The following INPP5D variants were observed in gnomAD, a reference collection of about 807,000 sequenced individuals.
The protein encoded by INPP5D is phosphatidylinositol 3,4,5-trisphosphate 5-phosphatase 1.
INPP5D carries 33 observed loss-of-function variants against 122.9 expected under a neutral mutation model. That is an observed-to-expected ratio of 0.27 (90% CI 0.20 to 0.36). INPP5D has a LOEUF of 0.36. INPP5D is among the 10% of genes least tolerant of loss of function. The probability of loss-of-function intolerance (pLI) is 1.00; values close to 1 mark genes in which losing one functional copy is unlikely to be tolerated. For synonymous variants in INPP5D, 584 were observed against 576.2 expected (o/e 1.01, Z -0.19); for missense variants, 1,053 against 1,412.7 (o/e 0.75, Z 4.08).
intron 9 of INPP5D, among the ~76,000 whole-genome samples, chr2:233,148,299 T>TGATCTGTCAATACAGTGGAA (rs1280373421): frequency 1.3e-5 from 2 of 152,122 alleles, no homozygotes; most frequent in Non-Finnish European, 2.9e-5. Context: ...ATCAGATGGA[T>TGATCTGTCAATACAGTGGAA]GATCCAGCTA....
In INPP5D at chr2:233,061,329, C is replaced by G. The variant is rs1408532243; in HGVS notation, c.134+717C>G. Among the ~76,000 whole-genome samples the G allele has an allele frequency of 2.0e-5, 3 of 151,622 alleles. No individual in the cohort carries two copies. In the East Asian group the frequency reaches 5.9e-4, roughly 30 times the overall value. ...GTGCTAACAATGGAGGAACCAGCCACTTGCTGAAGGTTCCTTTCTAAAACC... is the reference window on the plus strand; with the variant it reads ...GTGCTAACAATGGAGGAACCAGCCAGTTGCTGAAGGTTCCTTTCTAAAACC... On this transcript the variant is annotated intron_variant, in intron 1 of 26. Coordinates refer to ENST00000445964, the MANE Select transcript of INPP5D (RefSeq NM_001017915.3).
In INPP5D at chr2:233,160,913, G is replaced by T. The variant is rs1185970188; in HGVS notation, c.1138-811G>T. Among the ~76,000 whole-genome samples, 1 of 152,142 alleles carries T rather than the reference G, an allele frequency of 6.6e-6. No homozygotes were observed. The highest frequency in any genetic ancestry group is 2.4e-5 in the African/African-American group (1 of 41,418). ...GCCTCCCAAAGTCCTGGGATTACAG[G>T]CATGAGCCACTGTGCCAGGCCCAAA... On this transcript the variant is annotated intron_variant, in intron 10 of 26. Transcript: ENST00000445964. This position sits in a 1 kb window ranked among gnomAD's most constrained non-coding sequence, Gnocchi z 4.2.
At chr2:233,085,696 G>A (rs928028747) in intron 2 of INPP5D, among the ~76,000 whole-genome samples, 7 of 151,958 alleles carry the variant, frequency 4.6e-5, no homozygotes, top group East Asian at 1.9e-4. Flanking sequence ...GCCTCCCCCC[G>A]TTTTCTAGCC....
At chr2:233,130,395 T>TC in intron 4 of INPP5D, 113 bp from the exon 5 acceptor site, 1 of 1,144,922 alleles carries the variant, frequency 8.7e-7, no homozygotes, top group Non-Finnish European at 1.2e-6. Context: ...AAGGACGGTG[T>TC]CCCCTTGGAG....
Position 233,079,410 on chromosome 2 carries a change from A to G in INPP5D, c.198+12A>G, listed in dbSNP as rs1691611673. 1.9e-6 allele frequency: 3 copies of G among 1,542,900 alleles called. No homozygotes were observed. In the East Asian group the frequency reaches 6.7e-5, roughly 35 times the overall value. On this transcript the variant is annotated intron_variant, in intron 2 of 26. Coordinates refer to ENST00000445964, the MANE Select transcript of INPP5D (RefSeq NM_001017915.3). The stretch of plus-strand genomic sequence containing the variant: ...AATTCACTGTTCAGGTGAGTCCTTT[A>G]TAAACCTAGAAATCTGAACCTGACT...
chr2:233,121,493 T>C (rs57852168), intron 2 of INPP5D, among the ~76,000 whole-genome samples: 2 of 145,742 alleles, frequency 1.4e-5, no homozygotes, highest in East Asian at 1.9e-4. Context: ...ATAAATGTAC[T>C]ATTTGTATAA....
chr2:233,094,869 T>A (rs1469353840), intron 2 of INPP5D, among the ~76,000 whole-genome samples: 1 of 152,202 alleles, frequency 6.6e-6, no homozygotes, highest in South Asian at 2.1e-4. Flanking sequence ...AAATTGCCAA[T>A]GTCTATCAAC....
chr2:233,136,389 G>T (rs766930669), intron 5 of INPP5D, among the ~76,000 whole-genome samples: 1 of 151,772 alleles, frequency 6.6e-6, no homozygotes, highest in Non-Finnish European at 1.5e-5. Context: ...TGAGGTAGGA[G>T]AATCGCTTGA....
intron 9 of INPP5D, among the ~76,000 whole-genome samples, chr2:233,153,545 A>T (rs1314796437): frequency 1.3e-5 from 2 of 152,244 alleles, no homozygotes; most frequent in Non-Finnish European, 2.9e-5. Context: ...AGGTGGAAGA[A>T]AAAACAGAGA....
At chr2:233,205,923 A>G (rs1695486858) in intron 26 of INPP5D, among the ~76,000 whole-genome samples, 1 of 152,140 alleles carries the variant, frequency 6.6e-6, no homozygotes, top group African/African-American at 2.4e-5. Context: ...TATTAAAAAT[A>G]CAAAAATTAG....
At chr2:233,117,998 C>T (rs571197824) in intron 2 of INPP5D, among the ~76,000 whole-genome samples, 7 of 152,224 alleles carry the variant, frequency 4.6e-5, no homozygotes, top group Admixed American at 1.3e-4. Flanking sequence ...CCCTGCTGCA[C>T]AGTCTGGGGA....
intron 2 of INPP5D, among the ~76,000 whole-genome samples, chr2:233,094,843 A>C (rs1276398638): frequency 6.6e-6 from 1 of 152,192 alleles, no homozygotes; most frequent in Non-Finnish European, 1.5e-5. Context: ...AAATGCCGAC[A>C]AATGCTCTGG....
At chr2:233,088,238 G>C (rs554615368) in intron 2 of INPP5D, among the ~76,000 whole-genome samples, 1 of 152,278 alleles carries the variant, frequency 6.6e-6, no homozygotes, top group African/African-American at 2.4e-5. Context: ...GCCTCCCAAA[G>C]TGCTGGGATT....
intron 24 of INPP5D, among the ~76,000 whole-genome samples, chr2:233,196,391 A>C (rs1334861745): frequency 6.6e-6 from 1 of 152,202 alleles, no homozygotes; most frequent in Non-Finnish European, 1.5e-5. Flanking sequence ...TAGAGAAATC[A>C]AGGCAAATTC....
At chr2:233,089,956 G>C (rs959197286) in intron 2 of INPP5D, among the ~76,000 whole-genome samples, 1 of 152,182 alleles carries the variant, frequency 6.6e-6, no homozygotes, top group Non-Finnish European at 1.5e-5. Context: ...TCTGAGAGGC[G>C]CCCAGTCCCT....
intron 2 of INPP5D, among the ~76,000 whole-genome samples, chr2:233,084,117 C>T (rs759217212): frequency 5.9e-5 from 9 of 152,172 alleles, no homozygotes; most frequent in African/African-American, 1.7e-4. Context: ...TGCAGTGGCG[C>T]GACCTCGGCT....
intron 2 of INPP5D, among the ~76,000 whole-genome samples, chr2:233,092,310 G>A (rs1418633607): frequency 6.6e-6 from 1 of 152,196 alleles, no homozygotes; most frequent in Admixed American, 6.5e-5. Context: ...CTTCCCCAGA[G>A]TACCTCAAGA....
At chr2:233,072,955 T>C (rs1691419221) in intron 1 of INPP5D, among the ~76,000 whole-genome samples, 1 of 152,214 alleles carries the variant, frequency 6.6e-6, no homozygotes, top group Non-Finnish European at 1.5e-5. Flanking sequence ...GAAGAGGCAG[T>C]GGCCAGAGCT....
intron 1 of INPP5D, among the ~76,000 whole-genome samples, chr2:233,071,625 T>C (rs1660364195): frequency 6.6e-6 from 1 of 152,222 alleles, no homozygotes; most frequent in South Asian, 2.1e-4. Flanking sequence ...ATAATATAGC[T>C]GGTATAAATT....
Sources: gnomAD v4.1 joint callset for allele counts (sites outside exome capture counted in the v4.1 genomes callset) on GRCh38, gnomAD v4.1.1 for gene constraint, Gnocchi (gnomAD v3.1) non-coding constraint, MANE v1.5 for transcripts, NCBI Gene and HGNC (gene_info 2026-07-23, HGNC 2026-07-21) for gene names.